Variants in IL1RAPL1 observed in about 807,000 individuals in gnomAD.
IL1RAPL1 encodes interleukin-1 receptor accessory protein-like 1.
A neutral mutation model predicts 48.4 loss-of-function variants in IL1RAPL1; 3 were observed. The ratio of observed to expected loss-of-function variants is 0.06; its 90% CI spans 0.03 to 0.16. The LOEUF is 0.16. Among genes scored for constraint, IL1RAPL1 ranks in the 10% least tolerant of loss-of-function variants. The pLI is 1.00. For synonymous variants in IL1RAPL1, 185 were observed against 187.7 expected (o/e 0.99, Z 0.12); for missense variants, 349 against 530.6 (o/e 0.66, Z 3.36).
chrX:28,648,720 G>T, intron 1 of IL1RAPL1, among the ~76,000 whole-genome samples: 1 of 111,815 alleles, frequency 8.9e-6, no homozygotes, highest in African/African-American at 3.2e-5. Flanking sequence ...AGGATTTTGA[G>T]ACAGGATTTC....
At position 29,372,773 on chromosome X, in the gene IL1RAPL1, CTTTTTTTTTTTTT is replaced by C. The variant is rs1160543169; in HGVS notation, c.363-23474_363-23462del. The stretch of plus-strand genomic sequence containing the variant: ...TGTTCTATTCCATTGGTCTATGTGT[CTTTTTTTTTTTTT>C]TTTTTTTTTTGTACCAATACATGCT... On this transcript the variant is annotated intron_variant, in intron 3 of 10. Coordinates refer to ENST00000378993, the MANE Select transcript of IL1RAPL1 (RefSeq NM_014271.4). Among the ~76,000 whole-genome samples, 17 of 63,482 alleles carry C rather than the reference CTTTTTTTTTTTTT, an allele frequency of 2.7e-4. 1 individual carries two copies. In the South Asian group the frequency reaches 0.012, roughly 44 times the overall value. 55.1% of individuals were successfully genotyped at this position (63,482 alleles called of 115,157 possible).
intron 3 of IL1RAPL1, among the ~76,000 whole-genome samples, chrX:29,319,184 A>G (rs1466702798): frequency 9.7e-6 from 1 of 102,863 alleles, no homozygotes; most frequent in African/African-American, 3.6e-5. Context: ...CTATCTATCT[A>G]TCTATCTATC....
chrX:29,247,132 G>A lies in IL1RAPL1; in HGVS notation c.83-35806G>A, dbSNP rs186633788. On this transcript the variant is annotated intron_variant, in intron 2 of 10. Transcript: ENST00000378993. ...CACAAATTAGCTTTGCAAGTTGGTC[G>A]GCTATGCCTAGATATTTACTGTAAC... 3.3e-3 allele frequency among the ~76,000 whole-genome samples: 364 copies of A among 111,688 alleles called. 1 individual carries two copies. The highest frequency in any genetic ancestry group is 0.011 in the African/African-American group (337 of 30,769).
chrX:28,772,996 G>A (rs867354423), intron 1 of IL1RAPL1, among the ~76,000 whole-genome samples: 6 of 111,379 alleles, frequency 5.4e-5, no homozygotes, highest in Non-Finnish European at 7.5e-5. Context: ...TTCTGACTTA[G>A]TCTTTGTGAT....
intron 1 of IL1RAPL1, among the ~76,000 whole-genome samples, chrX:28,697,374 A>G (rs76172970): frequency 0.031 from 3,432 of 110,991 alleles, 79 homozygotes; most frequent in African/African-American, 0.08. Context: ...ATTTTTGTAT[A>G]GTAAATTTGT....
At chrX:29,899,091 A>G (rs1196252923) in intron 6 of IL1RAPL1, among the ~76,000 whole-genome samples, 1 of 109,614 alleles carries the variant, frequency 9.1e-6, no homozygotes. Context: ...CTCACAGAAG[A>G]GTAATCAGTC....
At chrX:29,714,223 A>G (rs920446873) in intron 6 of IL1RAPL1, among the ~76,000 whole-genome samples, 26 of 111,444 alleles carry the variant, frequency 2.3e-4, no homozygotes, top group African/African-American at 6.5e-4. Flanking sequence ...GTATTTACGT[A>G]TGTTTTCTTT....
At chrX:29,584,188 A>T (rs186234552) in intron 5 of IL1RAPL1, among the ~76,000 whole-genome samples, 1 of 110,825 alleles carries the variant, frequency 9.0e-6, no homozygotes, top group Non-Finnish European at 1.9e-5. Context: ...TGTCCATATC[A>T]CTGCTCCAAG....
chrX:28,816,427 C>T (rs1203887138), intron 2 of IL1RAPL1, among the ~76,000 whole-genome samples: 1 of 110,016 alleles, frequency 9.1e-6, no homozygotes, highest in Non-Finnish European at 1.9e-5. Flanking sequence ...TCCCCAGTGT[C>T]TTTTGTTGCC....
chrX:28,841,875 A>G (rs1162335743), intron 2 of IL1RAPL1, among the ~76,000 whole-genome samples: 1 of 111,229 alleles, frequency 9.0e-6, no homozygotes, highest in African/African-American at 3.3e-5. Flanking sequence ...ATTTAGCTAT[A>G]TATTTTAAGT....
chrX:28,831,022 C>CTG (rs1569182008), intron 2 of IL1RAPL1, among the ~76,000 whole-genome samples: 1 of 64,979 alleles, frequency 1.5e-5, no homozygotes, highest in Non-Finnish European at 2.7e-5. Context: ...CTCTCTCTCT[C>CTG]TCTCTGTGTG....
chrX:28,878,518 T>C (rs12836606), intron 2 of IL1RAPL1, among the ~76,000 whole-genome samples: 1 of 112,019 alleles, frequency 8.9e-6, no homozygotes, highest in Non-Finnish European at 1.9e-5. Context: ...TAGTTAAATT[T>C]GGTGAAGCCA....
chrX:28,751,303 A>G (rs1936040974), intron 1 of IL1RAPL1, among the ~76,000 whole-genome samples: 1 of 111,546 alleles, frequency 9.0e-6, no homozygotes, highest in Non-Finnish European at 1.9e-5. Context: ...CTTTGCATGT[A>G]TGTTTAATCT....
At chrX:29,665,697 A>G (rs145937598) in intron 5 of IL1RAPL1, among the ~76,000 whole-genome samples, 10,946 of 111,815 alleles carry the variant, frequency 0.098, 449 homozygotes, top group Middle Eastern at 0.22. Flanking sequence ...TGGCTCAGCC[A>G]TTGTGGTCTC....
intron 1 of IL1RAPL1, among the ~76,000 whole-genome samples, chrX:28,725,405 A>G (rs1039941145): frequency 2.7e-5 from 3 of 112,202 alleles, no homozygotes; most frequent in African/African-American, 9.7e-5. Context: ...CTTATTGAGT[A>G]TAATTTTCGT....
At chrX:29,173,758 G>A (rs1243161601) in intron 2 of IL1RAPL1, among the ~76,000 whole-genome samples, 2 of 111,808 alleles carry the variant, frequency 1.8e-5, no homozygotes, top group African/African-American at 6.5e-5. Context: ...ATAGGGAAAA[G>A]CAAAAATAAA....
chrX:29,789,417 A>C (rs1289898024), intron 6 of IL1RAPL1, among the ~76,000 whole-genome samples: 3 of 111,437 alleles, frequency 2.7e-5, no homozygotes, highest in Non-Finnish European at 5.7e-5. Context: ...CCCTGAACTC[A>C]TTCAGCCAAA....
intron 1 of IL1RAPL1, among the ~76,000 whole-genome samples, chrX:28,640,542 G>C (rs1934523948): frequency 9.2e-6 from 1 of 108,564 alleles, no homozygotes; most frequent in African/African-American, 3.4e-5. Context: ...GTAGAGATGA[G>C]GTGTCAACAT....
intron 2 of IL1RAPL1, among the ~76,000 whole-genome samples, chrX:28,829,868 T>A (rs1001116521): frequency 7.2e-5 from 8 of 111,177 alleles, no homozygotes; most frequent in African/African-American, 2.6e-4. Context: ...TGGAATTTTT[T>A]CAGATTTTTT....
Sources: allele counts gnomAD v4.1 joint callset (sites outside exome capture counted in the v4.1 genomes callset), GRCh38; gene constraint gnomAD v4.1.1; transcripts MANE v1.5; gene names NCBI Gene and HGNC (gene_info 2026-07-23, HGNC 2026-07-21).